Variants in UGT1A10 observed in about 807,000 individuals in gnomAD.
UGT1A10 encodes the protein UDP glucuronosyltransferase family 1 member A10.
Under a neutral mutation model 45.8 loss-of-function variants are expected in UGT1A10, and 49 were observed. That is an observed-to-expected ratio of 1.07 (90% CI 0.85 to 1.36). The LOEUF (loss-of-function observed/expected upper bound fraction) is 1.36, where lower values mean the gene tolerates loss of function less well. Among genes scored for constraint, UGT1A10 ranks in the 40% most tolerant of loss-of-function variants. UGT1A10 has a pLI of 0.00. For missense variants in UGT1A10, 745 were observed against 668.6 expected (o/e 1.11, Z -1.26); for synonymous variants, 284 against 249.7 (o/e 1.14, Z -1.29).
intron 1 of UGT1A10, among the ~76,000 whole-genome samples, chr2:233,759,071 G>A (rs574786378): frequency 6.6e-6 from 1 of 152,312 alleles, no homozygotes; most frequent in South Asian, 2.1e-4. Context: ...AAGGAATTTG[G>A]AAGAAAGAGA....
chr2:233,638,002 T>C (rs1224387509), intron 1 of UGT1A10, among the ~76,000 whole-genome samples: 1 of 152,188 alleles, frequency 6.6e-6, no homozygotes, highest in African/African-American at 2.4e-5. Context: ...CTCTTTCCTT[T>C]TGTGAATAAG....
chr2:233,686,248 G>A (rs931789955), intron 1 of UGT1A10, among the ~76,000 whole-genome samples: 3 of 149,774 alleles, frequency 2.0e-5, no homozygotes, highest in African/African-American at 7.3e-5. Flanking sequence ...TGGTTTCTGA[G>A]ATTTTTTTTT....
chr2:233,763,837 A>G (rs1269995830), intron 1 of UGT1A10, among the ~76,000 whole-genome samples: 1 of 152,238 alleles, frequency 6.6e-6, no homozygotes, highest in Non-Finnish European at 1.5e-5. Context: ...CTGCCAGGGT[A>G]AGATAGCAGT....
chr2:233,671,922 C>G, intron 1 of UGT1A10: 1 of 1,595,536 alleles, frequency 6.3e-7, no homozygotes, highest in Non-Finnish European at 8.5e-7. Context: ...TTGCTCTCAG[C>G]TGCAGTTCTC....
intron 1 of UGT1A10, among the ~76,000 whole-genome samples, chr2:233,751,857 T>A (rs1270227415): frequency 6.6e-6 from 1 of 152,184 alleles, no homozygotes; most frequent in African/African-American, 2.4e-5. Context: ...ACCTTTGTCT[T>A]TTATAAATTA....
chr2:233,678,404 T>C (rs1317749782), intron 1 of UGT1A10, among the ~76,000 whole-genome samples: 1 of 152,102 alleles, frequency 6.6e-6, no homozygotes, highest in Non-Finnish European at 1.5e-5. Flanking sequence ...GGAGTAGATG[T>C]TGATTTTGCT....
chr2:233,660,700 C>T (rs747758205), intron 1 of UGT1A10, among the ~76,000 whole-genome samples: 11 of 152,136 alleles, frequency 7.2e-5, no homozygotes, highest in Admixed American at 2.0e-4. Context: ...CTTAAATCCT[C>T]GTGCCCGCTT....
At chr2:233,644,840 C>T (rs1394753924) in intron 1 of UGT1A10, among the ~76,000 whole-genome samples, 1 of 152,050 alleles carries the variant, frequency 6.6e-6, no homozygotes, top group Non-Finnish European at 1.5e-5. Context: ...TGAGTGCTCA[C>T]CTGAGTTTTG....
intron 1 of UGT1A10, chr2:233,648,822 T>G: frequency 9.6e-7 from 1 of 1,044,490 alleles, no homozygotes; most frequent in Non-Finnish European, 1.4e-6. Context: ...TAGAGGAGCA[T>G]TTATTTTGCC....
chr2:233,753,193 A>G (rs1695148860), intron 1 of UGT1A10: 1 of 152,208 alleles, frequency 6.6e-6, no homozygotes, highest in Admixed American at 6.5e-5. Context: ...ATTTTTCAAA[A>G]GCCCTGACAG....
intron 1 of UGT1A10, among the ~76,000 whole-genome samples, chr2:233,656,527 T>G (rs990418178): frequency 2.6e-5 from 4 of 152,252 alleles, no homozygotes; most frequent in Non-Finnish European, 5.9e-5. Flanking sequence ...CTGTGGCAGT[T>G]GGAACATAGT....
intron 1 of UGT1A10, among the ~76,000 whole-genome samples, chr2:233,757,427 A>G (rs934083320): frequency 5.3e-5 from 8 of 151,486 alleles, no homozygotes; most frequent in South Asian, 2.1e-4. Context: ...AAAGAGAAGA[A>G]AAGTCACTTC....
chr2:233,705,147 AAAGAG>A (rs1423944369), intron 1 of UGT1A10, among the ~76,000 whole-genome samples: 11 of 152,088 alleles, frequency 7.2e-5, no homozygotes, highest in East Asian at 5.8e-4. Context: ...AAAAAAAAAA[AAAGAG>A]AGAGAGAGAG....
At chr2:233,755,690 C>G (rs58069490) in intron 1 of UGT1A10, 1 of 155,628 alleles carries the variant, frequency 6.4e-6, no homozygotes, top group African/African-American at 2.4e-5. Context: ...TTAGTCTGAC[C>G]GGGGCTGAAG....
intron 1 of UGT1A10, chr2:233,740,907 T>C (rs1395236903): frequency 3.6e-5 from 5 of 140,068 alleles, no homozygotes; most frequent in South Asian, 4.8e-4. Context: ...AGGTCAACAT[T>C]GTTCCCATCT....
chr2:233,757,535 A>AATATATATACATATACATATATACAT (rs376887521), intron 1 of UGT1A10, among the ~76,000 whole-genome samples: 3 of 88,312 alleles, frequency 3.4e-5, no homozygotes, highest in African/African-American at 1.5e-4. Context: ...GCCTGTAAGG[A>AATATATATACATATACATATATACAT]ATATATATAT....
intron 1 of UGT1A10, among the ~76,000 whole-genome samples, chr2:233,738,155 C>A (rs1206692436): frequency 1.3e-5 from 2 of 152,160 alleles, no homozygotes; most frequent in Non-Finnish European, 2.9e-5. Context: ...GCAAGCTATT[C>A]CTCTTTCTCT....
At chr2:233,745,643 G>C (rs1290211026) in intron 1 of UGT1A10, among the ~76,000 whole-genome samples, 1 of 151,416 alleles carries the variant, frequency 6.6e-6, no homozygotes, top group African/African-American at 2.4e-5. Context: ...CTGGCCGAGG[G>C]TAGAGTTCAG....
chr2:233,704,977 A>G (rs1323629686), intron 1 of UGT1A10, among the ~76,000 whole-genome samples: 2 of 152,082 alleles, frequency 1.3e-5, no homozygotes, highest in Non-Finnish European at 1.5e-5. Context: ...CTCTACTTAA[A>G]ATACAGAAAT....
Sources: allele counts gnomAD v4.1 joint callset (sites outside exome capture counted in the v4.1 genomes callset), GRCh38; gene constraint gnomAD v4.1.1; transcripts MANE v1.5; gene names NCBI Gene and HGNC (gene_info 2026-07-23, HGNC 2026-07-21).